Variants in HVCN1 observed in about 807,000 individuals in gnomAD.
The protein encoded by HVCN1 is hydrogen voltage gated channel 1, also known as voltage-gated hydrogen channel 1.
A neutral mutation model predicts 29.2 loss-of-function variants in HVCN1; 14 were observed. The ratio of observed to expected loss-of-function variants is 0.48; its 90% CI spans 0.32 to 0.75. The LOEUF is 0.75. HVCN1 is among the 30% of genes least tolerant of loss of function. The pLI, the probability that HVCN1 is intolerant of heterozygous loss-of-function variation, is 0.04. For synonymous variants in HVCN1, 131 were observed against 133.2 expected, an observed-to-expected ratio of 0.98 and a Z score of 0.11; for missense variants, 263 against 341.8, an observed-to-expected ratio of 0.77 and a Z score of 1.82.
intron 3 of HVCN1, among the ~76,000 whole-genome samples, chr12:110,675,319 C>T (rs1187908626): frequency 3.9e-5 from 6 of 151,988 alleles, no homozygotes; most frequent in Non-Finnish European, 5.9e-5. Flanking sequence ...ATTAGCCAGG[C>T]GTGGTGGCGC....
At chr12:110,673,010 A>G (rs1466559872) in intron 3 of HVCN1, among the ~76,000 whole-genome samples, 1 of 152,220 alleles carries the variant, frequency 6.6e-6, no homozygotes. Flanking sequence ...AAGATACCTG[A>G]AAATGTGGAA....
At position 110,658,314 on chromosome 12, in the gene HVCN1, C is replaced by T. The variant is rs1253473511; in HGVS notation, c.306+2850G>A. On this transcript the variant is annotated intron_variant, in intron 4 of 7. Transcript: ENST00000242607. The surrounding 1 kb of genome is among the most constrained non-coding windows in gnomAD (Gnocchi z 5.0). ...CCGATCCTACCTGCAGAGACTACAA[C>T]CCCTGAGCCTCACCACCTACTCCAG... 2.0e-5 allele frequency among the ~76,000 whole-genome samples: 3 copies of T among 152,118 alleles called. No individual in the cohort carries two copies. Among genetic ancestry groups the T allele is most frequent in the Admixed American group, 1.3e-4 (2 of 15,272 alleles).
At chr12:110,701,487 A>C (rs1566073867) in intron 2 of HVCN1, among the ~76,000 whole-genome samples, 1 of 152,166 alleles carries the variant, frequency 6.6e-6, no homozygotes, top group African/African-American at 2.4e-5. Flanking sequence ...AGGGCACCCA[A>C]TTTGAGAACC....
At chr12:110,690,813 G>C (rs2069389791), upstream of HVCN1, among the ~76,000 whole-genome samples, 1 of 151,808 alleles carries the variant, frequency 6.6e-6, no homozygotes, top group Non-Finnish European at 1.5e-5. Flanking sequence ...GGGGTGCAAT[G>C]GCATGATCTT....
intron 3 of HVCN1, among the ~76,000 whole-genome samples, chr12:110,669,949 G>A (rs2068516567): frequency 6.6e-6 from 1 of 152,134 alleles, no homozygotes; most frequent in Non-Finnish European, 1.5e-5. Context: ...CCAGCTACCT[G>A]GGAGGCTGAG....
chr12:110,682,533 A>G (rs2136437350), intron 3 of HVCN1: 1 of 152,408 alleles, frequency 6.6e-6, no homozygotes, highest in South Asian at 2.1e-4. Flanking sequence ...TAGCTGTGTG[A>G]TCTTCAGAAG....
chr12:110,686,793 A>G (rs1051503804), intron 2 of HVCN1, among the ~76,000 whole-genome samples: 1 of 152,226 alleles, frequency 6.6e-6, no homozygotes, highest in African/African-American at 2.4e-5. Context: ...CACAAGAGGT[A>G]AGTGCTTCCA....
At position 110,649,505 on chromosome 12, in the gene HVCN1, T is replaced by C. The variant is rs766312188; in HGVS notation, c.757-30A>G. On this transcript the variant is annotated intron_variant, in intron 7 of 7. Transcript: ENST00000242607. ...TGCAAAAGCAGACAAACACTGGAAT[T>C]TACTTTGAGCCTCGCCAGGGATGTG... The C allele has an allele frequency of 3.2e-6, 5 of 1,550,400 alleles. No individual in the cohort carries two copies. The South Asian group carries it at 3.4e-5, about 11-fold the overall frequency.
intron 1 of HVCN1, among the ~76,000 whole-genome samples, chr12:110,703,606 GTA>G (rs1348863013): frequency 1.4e-5 from 2 of 146,274 alleles, no homozygotes; most frequent in African/African-American, 5.0e-5. Flanking sequence ...TTCTACTTGT[GTA>G]TATATTTGAT....
At chr12:110,667,028 A>G (rs1212496033) in intron 3 of HVCN1, among the ~76,000 whole-genome samples, 1 of 152,058 alleles carries the variant, frequency 6.6e-6, no homozygotes, top group Non-Finnish European at 1.5e-5. Context: ...CTGGTACCTC[A>G]TCTCCCATGC....
chr12:110,699,717 G>A (rs763851321), intron 2 of HVCN1, among the ~76,000 whole-genome samples: 9 of 152,102 alleles, frequency 5.9e-5, no homozygotes, highest in South Asian at 4.1e-4. Context: ...CTGGCCGTGT[G>A]CCAGGCGCTG....
At chr12:110,685,672 CT>C (rs963194080) in intron 2 of HVCN1, among the ~76,000 whole-genome samples, 33 of 148,674 alleles carry the variant, frequency 2.2e-4, no homozygotes, top group Middle Eastern at 3.4e-3. Flanking sequence ...CCTGCACACC[CT>C]TTTTTTTTTG....
Position 110,676,334 on chromosome 12 carries a change from A to G in HVCN1, c.21+6891T>C, listed in dbSNP as rs1252949636. ...GCTGCAGGAGAGCATCCCTCCAAGC[A>G]TGACTACATCACTCCCTGTGCAGAA... On this transcript the variant is annotated intron_variant, in intron 3 of 7. Transcript: ENST00000242607. This position sits in a 1 kb window ranked among gnomAD's most constrained non-coding sequence, Gnocchi z 4.1. 6.6e-6 allele frequency among the ~76,000 whole-genome samples: 1 copy of G among 152,130 alleles called. No homozygotes were observed.
At position 110,655,345 on chromosome 12, in the gene HVCN1, G is replaced by A; in HGVS notation, c.307-7C>T. On this transcript the variant is annotated splice_polypyrimidine_tract_variant and splice_region_variant and intron_variant, in intron 4 of 7. Transcript: ENST00000242607. ...CCAAGCAGATGATGATGACCTGTGG[G>A]CCGAGGGAAGGTGCCAGAGATCATG... is the stretch of plus-strand genomic sequence containing the variant. The A allele has an allele frequency of 6.2e-7, 1 of 1,608,778 alleles. No homozygotes were observed.
chr12:110,689,730 T>C (rs891467593), upstream of HVCN1: 3 of 152,300 alleles, frequency 2.0e-5, no homozygotes, highest in Admixed American at 6.5e-5. This position sits in a 1 kb window ranked among gnomAD's most constrained non-coding sequence, Gnocchi z 5.7. Context: ...CCTTACCGCG[T>C]GCAGCCCCTG....
At chr12:110,679,582 G>A (rs1201817232) in intron 3 of HVCN1, among the ~76,000 whole-genome samples, 3 of 152,172 alleles carry the variant, frequency 2.0e-5, no homozygotes, top group African/African-American at 7.2e-5. Flanking sequence ...GGCCGGGCGC[G>A]GTGGCTCACG....
At chr12:110,683,718 C>G (rs780793220) in intron 2 of HVCN1, among the ~76,000 whole-genome samples, 17 of 152,014 alleles carry the variant, frequency 1.1e-4, no homozygotes, top group Non-Finnish European at 2.2e-4. Flanking sequence ...TGAGACCAGC[C>G]TGGCCAACAT....
chr12:110,654,826 G>T (rs1202451050), intron 5 of HVCN1, among the ~76,000 whole-genome samples: 1 of 152,122 alleles, frequency 6.6e-6, no homozygotes, highest in Non-Finnish European at 1.5e-5. Context: ...AACTGAGACA[G>T]GGTATGTCCA....
chr12:110,654,540 G>A (rs981014245), intron 5 of HVCN1, among the ~76,000 whole-genome samples: 4 of 147,998 alleles, frequency 2.7e-5, no homozygotes, highest in Non-Finnish European at 5.9e-5. Flanking sequence ...GTGCAGTGGC[G>A]CTATCTCGGC....
Sources: allele counts gnomAD v4.1 joint callset (sites outside exome capture counted in the v4.1 genomes callset), GRCh38; gene constraint gnomAD v4.1.1; non-coding constraint Gnocchi (gnomAD v3.1); transcripts MANE v1.5; gene names NCBI Gene and HGNC (gene_info 2026-07-23, HGNC 2026-07-21).